Variants in KCNN3 observed in about 807,000 individuals in gnomAD.
KCNN3 encodes the protein potassium calcium-activated channel subfamily N member 3, also known as small conductance calcium-activated potassium channel protein 3.
In KCNN3, 16 loss-of-function variants were observed where a neutral mutation model predicts 62.9. That is an observed-to-expected ratio of 0.25 (90% CI 0.17 to 0.39). The LOEUF (loss-of-function observed/expected upper bound fraction) is 0.39. KCNN3 is among the 10% of genes least tolerant of loss of function. The probability of loss-of-function intolerance (pLI) is 1.00; values close to 1 mark genes in which losing one functional copy is unlikely to be tolerated. For missense variants in KCNN3, 599 were observed against 949.4 expected (o/e 0.63, Z 4.85); for synonymous variants, 370 against 389.2 (o/e 0.95, Z 0.58).
At chr1:154,847,419 G>T (rs996307400) in intron 1 of KCNN3, among the ~76,000 whole-genome samples, 1 of 152,180 alleles carries the variant, frequency 6.6e-6, no homozygotes, top group African/African-American at 2.4e-5. Flanking sequence ...GGACCACGGG[G>T]AGTCACCAAT....
chr1:154,807,651 T>G (rs566078315), intron 2 of KCNN3, among the ~76,000 whole-genome samples: 26 of 152,284 alleles, frequency 1.7e-4, no homozygotes, highest in Admixed American at 9.1e-4. Flanking sequence ...TAGGCTTGAT[T>G]TGTGAACAAT....
intron 1 of KCNN3, among the ~76,000 whole-genome samples, chr1:154,860,518 C>T (rs1652729329): frequency 6.6e-6 from 1 of 152,180 alleles, no homozygotes. Flanking sequence ...GGTAAGAAGG[C>T]TCCAGAAGTC....
At chr1:154,824,640 T>C (rs1409940685) in intron 1 of KCNN3, among the ~76,000 whole-genome samples, 4 of 152,186 alleles carry the variant, frequency 2.6e-5, no homozygotes, top group Non-Finnish European at 4.4e-5. Flanking sequence ...TCTGGGAGCA[T>C]CACACCTCCC....
chr1:154,727,361 G>C (rs1700492607), intron 4 of KCNN3, among the ~76,000 whole-genome samples: 1 of 152,206 alleles, frequency 6.6e-6, no homozygotes, highest in South Asian at 2.1e-4. Context: ...AAGCAGAAAA[G>C]AATGTTTTTC....
intron 2 of KCNN3, among the ~76,000 whole-genome samples, chr1:154,792,277 C>T (rs1015301719): frequency 6.6e-6 from 1 of 152,206 alleles, no homozygotes; most frequent in African/African-American, 2.4e-5. Context: ...GATCCTCCTC[C>T]CTCTAATTGG....
chr1:154,824,082 A>C (rs1038571344), intron 1 of KCNN3, among the ~76,000 whole-genome samples: 1 of 152,242 alleles, frequency 6.6e-6, no homozygotes, highest in Non-Finnish European at 1.5e-5. Context: ...TTTGCTGAGC[A>C]CTTGCTAGAT....
At chr1:154,727,501 A>T (rs780229869) in intron 4 of KCNN3, among the ~76,000 whole-genome samples, 1 of 152,120 alleles carries the variant, frequency 6.6e-6, no homozygotes, top group African/African-American at 2.4e-5. Context: ...GTGAAGTTTC[A>T]ATGTGGTTGA....
At chr1:154,804,666 A>G (rs1407068707) in intron 2 of KCNN3, among the ~76,000 whole-genome samples, 3 of 152,194 alleles carry the variant, frequency 2.0e-5, no homozygotes, top group Non-Finnish European at 4.4e-5. Context: ...TGAAGACAAG[A>G]GTAGTAGCAA....
chr1:154,791,708 C>CT (rs1649528236), intron 2 of KCNN3, among the ~76,000 whole-genome samples: 2 of 152,226 alleles, frequency 1.3e-5, no homozygotes, highest in Non-Finnish European at 2.9e-5. Flanking sequence ...GAGAGTGACT[C>CT]TGTGCCTCTT....
At chr1:154,766,660 T>C (rs1648303499) in intron 3 of KCNN3, among the ~76,000 whole-genome samples, 1 of 148,108 alleles carries the variant, frequency 6.8e-6, no homozygotes, top group Non-Finnish European at 1.5e-5. Context: ...ATGACCACTT[T>C]CCTACTGTTT....
At chr1:154,826,062 C>CAA (rs66840003) in intron 1 of KCNN3, among the ~76,000 whole-genome samples, 2 of 129,418 alleles carry the variant, frequency 1.5e-5, no homozygotes, top group African/African-American at 6.5e-5. Flanking sequence ...AAAACAAAAA[C>CAA]AAAAACAAAA....
intron 2 of KCNN3, among the ~76,000 whole-genome samples, chr1:154,791,500 C>T (rs932640473): frequency 1.7e-4 from 26 of 151,996 alleles, no homozygotes; most frequent in Non-Finnish European, 3.7e-4. Flanking sequence ...AAGCAACCAG[C>T]CCAAGCCTGG....
intron 3 of KCNN3, among the ~76,000 whole-genome samples, chr1:154,753,537 C>T (rs1647485608): frequency 6.6e-6 from 1 of 152,220 alleles, no homozygotes; most frequent in South Asian, 2.1e-4. Flanking sequence ...CCCAGTGGAA[C>T]ACATACCCCA....
chr1:154,813,949 T>C (rs1027500299), intron 2 of KCNN3, among the ~76,000 whole-genome samples: 2 of 152,200 alleles, frequency 1.3e-5, no homozygotes, highest in African/African-American at 4.8e-5. Flanking sequence ...TTTAAATGTT[T>C]AGCAAATAAA....
chr1:154,806,999 A>G (rs986981607), intron 2 of KCNN3, among the ~76,000 whole-genome samples: 2 of 152,178 alleles, frequency 1.3e-5, no homozygotes, highest in Non-Finnish European at 2.9e-5. Context: ...CTCTGCTACA[A>G]GAGATCCTGT....
Position 154,713,343 on chromosome 1 carries a change from T to A in KCNN3, c.1899+121A>T, listed in dbSNP as rs530526510. On this transcript the variant is annotated intron_variant, in intron 7 of 7. Transcript: ENST00000271915. ...TAGGTATTTTTGAACCAAGCAGAAA[T>A]TTTTCTTTGCTTGCCTGGTCCCGCG... The A allele has an allele frequency of 9.6e-5, 73 of 764,208 alleles. No homozygotes were observed. In the African/African-American group the frequency reaches 1.2e-3, roughly 12 times the overall value. 47.3% of individuals were successfully genotyped at this position (764,208 alleles called of 1,614,324 possible). A position where few individuals can be genotyped will look rare whatever the true frequency, so the allele number is the denominator to read the frequency against.
chr1:154,779,032 C>A (rs1240175799), intron 2 of KCNN3, among the ~76,000 whole-genome samples: 1 of 152,134 alleles, frequency 6.6e-6, no homozygotes, highest in African/African-American at 2.4e-5. Flanking sequence ...ACTATAGACA[C>A]ATGGCCTCAC....
chr1:154,823,210 T>C (rs1392590053), intron 1 of KCNN3, among the ~76,000 whole-genome samples: 1 of 152,192 alleles, frequency 6.6e-6, no homozygotes, highest in East Asian at 1.9e-4. Context: ...ATTTCGAAGC[T>C]GGAAGTAGAG....
At position 154,809,236 on chromosome 1, in the gene KCNN3, GC is replaced by G. The variant is rs1287829057; in HGVS notation, c.1029+12852del. On this transcript the variant is annotated intron_variant, in intron 2 of 7. Transcript: ENST00000271915. This position sits in a 1 kb window ranked among gnomAD's most constrained non-coding sequence, Gnocchi z 4.3. The stretch of plus-strand genomic sequence containing the variant: ...CTCAACACTCAGCCCCAGCAGCCAA[GC>G]CCCAGCACCAGCAGCCACGCTTTCA... 6.6e-6 allele frequency among the ~76,000 whole-genome samples: 1 copy of G among 152,176 alleles called. No homozygotes were observed. The highest frequency in any genetic ancestry group is 1.9e-4 in the East Asian group (1 of 5,202).
Sources: allele counts gnomAD v4.1 joint callset (sites outside exome capture counted in the v4.1 genomes callset), GRCh38; gene constraint gnomAD v4.1.1; non-coding constraint Gnocchi (gnomAD v3.1); transcripts MANE v1.5; gene names NCBI Gene and HGNC (gene_info 2026-07-23, HGNC 2026-07-21).